LRCH3: variants seen among roughly 807,000 people sequenced by gnomAD.
LRCH3 encodes the protein leucine rich repeats and calponin homology domain containing 3.
Under a neutral mutation model 104.5 loss-of-function variants are expected in LRCH3, and 68 were observed. The observed-to-expected ratio is 0.65, with a 90% confidence interval of 0.54 to 0.80. LRCH3 has a LOEUF of 0.80. LRCH3 is among the 30% of genes least tolerant of loss of function. LRCH3 has a pLI of 0.00. For missense variants in LRCH3, 951 were observed against 953.9 expected (o/e 1.00, Z 0.04); for synonymous variants, 344 against 361.3 (o/e 0.95, Z 0.54).
chr3:197,882,909 G>A, intron 20 of LRCH3: 2 of 985,204 alleles, frequency 2.0e-6, no homozygotes, highest in Non-Finnish European at 2.4e-6. Context: ...TTTTAATTCT[G>A]TAATTCAGAT....
At position 197,817,360 on chromosome 3, in the gene LRCH3, G is replaced by GTGTGTGTGTATATATATA; in HGVS notation, c.534+59_534+60insGTGTGTGTATATATATAT. ...TGTGTGTGTGTCTGTGTGTGTGTGT[G>GTGTGTGTGTATATATATA]TATATATATATATATATATGAAACC... On this transcript the variant is annotated intron_variant, in intron 3 of 20. Transcript: ENST00000425562. The GTGTGTGTGTATATATATA allele has an allele frequency of 3.7e-4, 33 of 90,016 alleles. 1 individual carries two copies. The highest frequency in any genetic ancestry group is 2.0e-3 in the African/African-American group (23 of 11,718). The allele number at this position is 90,016 out of a possible 1,614,324, so 5.6% of individuals were successfully genotyped here. A position where few individuals can be genotyped will look rare whatever the true frequency, so the allele number is the denominator to read the frequency against.
intron 4 of LRCH3, among the ~76,000 whole-genome samples, chr3:197,820,838 G>A (rs144784915): frequency 0.012 from 1,772 of 152,006 alleles, 14 homozygotes; most frequent in Non-Finnish European, 0.017. Flanking sequence ...GAGAGAGAGA[G>A]TGTGTGTGTG....
chr3:197,838,818 C>G (rs1737327631), intron 9 of LRCH3, among the ~76,000 whole-genome samples: 1 of 152,056 alleles, frequency 6.6e-6, no homozygotes, highest in African/African-American at 2.4e-5. Context: ...TTGATATTCA[C>G]CGACACACTC....
At chr3:197,797,500 A>G (rs979934487) in intron 1 of LRCH3, among the ~76,000 whole-genome samples, 3 of 152,114 alleles carry the variant, frequency 2.0e-5, no homozygotes, top group Non-Finnish European at 4.4e-5. Flanking sequence ...GGAAAGAGGA[A>G]TCAGTCTGGG....
chr3:197,867,433 T>C (rs1044052882), intron 17 of LRCH3, among the ~76,000 whole-genome samples: 1 of 149,246 alleles, frequency 6.7e-6, no homozygotes, highest in African/African-American at 2.5e-5. Flanking sequence ...AATTAAAAAA[T>C]AGGCCAGGCG....
At chr3:197,852,714 A>G in intron 13 of LRCH3, 94 bp downstream of exon 13, 1 of 1,279,596 alleles carries the variant, frequency 7.8e-7, no homozygotes, top group South Asian at 1.2e-5. Context: ...CAGTGCTCGG[A>G]ATATTGCCAT....
At chr3:197,858,998 A>G in intron 15 of LRCH3, 93 bp downstream of exon 15, 1 of 895,122 alleles carries the variant, frequency 1.1e-6, no homozygotes. Flanking sequence ...ACAATCTGAA[A>G]TATAGGATCG....
At chr3:197,874,926 C>CT (rs57326379) in intron 19 of LRCH3, among the ~76,000 whole-genome samples, 20,192 of 144,716 alleles carry the variant, frequency 0.14, 1,552 homozygotes, top group African/African-American at 0.22. Context: ...TGCAACAGTT[C>CT]TTTTTTTTTT....
Position 197,847,516 on chromosome 3 carries a change from C to G in LRCH3, c.1380+56C>G, listed in dbSNP as rs922177357. The stretch of plus-strand genomic sequence containing the variant: ...TTTTTAAACTAAGATGATTTTTTTT[C>G]TTTTATAATACTTAAATTGCCATTA... On this transcript the variant is annotated intron_variant, in intron 11 of 20. Coordinates refer to ENST00000425562, the MANE Select transcript of LRCH3 (RefSeq NM_001365715.1). The G allele has an allele frequency of 3.4e-6, 5 of 1,459,666 alleles. No homozygotes were observed. In the African/African-American group the frequency reaches 7.2e-5, roughly 21 times the overall value. The allele number at this position is 1,459,666 out of a possible 1,614,324, so 90.4% of individuals were successfully genotyped here.
chr3:197,809,554 A>G (rs1209702211), intron 1 of LRCH3, among the ~76,000 whole-genome samples: 1 of 150,704 alleles, frequency 6.6e-6, no homozygotes, highest in Non-Finnish European at 1.5e-5. Flanking sequence ...TTATTGTTAC[A>G]GTCCCATAAG....
At chr3:197,874,629 T>G (rs967171397) in intron 19 of LRCH3, among the ~76,000 whole-genome samples, 1 of 152,174 alleles carries the variant, frequency 6.6e-6, no homozygotes, top group Admixed American at 6.5e-5. Flanking sequence ...ATGGAAAAAT[T>G]GTCTTCTGTG....
intron 20 of LRCH3, chr3:197,881,033 C>A: frequency 8.5e-7 from 1 of 1,179,306 alleles, no homozygotes; most frequent in East Asian, 5.1e-5. Context: ...ACTTGTACTT[C>A]GAATATGACA....
intron 1 of LRCH3, among the ~76,000 whole-genome samples, chr3:197,809,283 G>A (rs888839462): frequency 1.1e-4 from 16 of 151,636 alleles, no homozygotes; most frequent in African/African-American, 3.9e-4. Flanking sequence ...GGGTAACAGA[G>A]TGAGACCCTG....
rs184215579 is a variant in LRCH3 at position 197,806,907 on chromosome 3, C to T, written c.263-8001C>T. On this transcript the variant is annotated intron_variant, in intron 1 of 20. Transcript: ENST00000425562. ...AAGAAAAATTAGCCTGACATGGTTC[C>T]GCATTCCTGTGGTCCCAGCTACTCA... Among the ~76,000 whole-genome samples, 363 of 151,422 alleles carry T rather than the reference C, an allele frequency of 2.4e-3. 2 individuals are homozygous for T. Among genetic ancestry groups the T allele is most frequent in the Non-Finnish European group, 2.4e-3 (160 of 67,850 alleles).
intron 1 of LRCH3, among the ~76,000 whole-genome samples, chr3:197,813,510 A>ATTTCTTTTTTTTTTTTTTTTT (rs1560532143): frequency 1.5e-5 from 1 of 66,032 alleles, no homozygotes; most frequent in African/African-American, 4.7e-5. Context: ...GAGGCATATA[A>ATTTCTTTTTTTTTTTTTTTTT]TTTTTTTTTT....
At chr3:197,815,765 TA>T (rs1377904142) in intron 2 of LRCH3, among the ~76,000 whole-genome samples, 1 of 152,232 alleles carries the variant, frequency 6.6e-6, no homozygotes, top group African/African-American at 2.4e-5. Context: ...TTTCACATCT[TA>T]AAATAACTCT....
In LRCH3 at chr3:197,852,549, G is replaced by T. The variant is rs1436755615; in HGVS notation, c.1531-12G>T. 6.2e-7 allele frequency: 1 copy of T among 1,613,490 alleles called. No individual in the cohort carries two copies. Among genetic ancestry groups the T allele is most frequent in the Admixed American group, 1.7e-5 (1 of 59,980 alleles). On this transcript the variant is annotated splice_polypyrimidine_tract_variant and intron_variant, in intron 12 of 20. Coordinates refer to ENST00000425562, the MANE Select transcript of LRCH3 (RefSeq NM_001365715.1). The stretch of plus-strand genomic sequence containing the variant: ...CCAACTTCCTTTTTTGGGGGGTTTT[G>T]GGATTATACAGCAAAAAGCATCACA...
intron 20 of LRCH3, chr3:197,876,301 G>C (rs1374523901): frequency 3.9e-5 from 6 of 152,162 alleles, no homozygotes; most frequent in Admixed American, 1.3e-4. Context: ...TGAATTACAG[G>C]CTTTATTTGG....
chr3:197,830,255 C>G (rs1035211402), intron 6 of LRCH3, among the ~76,000 whole-genome samples: 3 of 152,172 alleles, frequency 2.0e-5, no homozygotes, highest in African/African-American at 7.2e-5. Context: ...CTGGAACAAT[C>G]TCTTTTTTTT....
Sources: gnomAD v4.1 joint callset for allele counts (sites outside exome capture counted in the v4.1 genomes callset) on GRCh38, gnomAD v4.1.1 for gene constraint, MANE v1.5 for transcripts, NCBI Gene and HGNC (gene_info 2026-07-23, HGNC 2026-07-21) for gene names.